FAM110B: variants seen among roughly 807,000 people sequenced by gnomAD.
FAM110B encodes the protein protein FAM110B.
FAM110B carries 6 observed loss-of-function variants against 20.4 expected under a neutral mutation model. The ratio of observed to expected loss-of-function variants is 0.29; its 90% CI spans 0.16 to 0.58. The LOEUF (loss-of-function observed/expected upper bound fraction) is 0.58, where lower values mean the gene tolerates loss of function less well. Ranked by LOEUF, FAM110B falls within the 20% of genes least tolerant of loss-of-function variation. FAM110B has a pLI of 0.90. For missense variants in FAM110B, 434 were observed against 498.2 expected, an observed-to-expected ratio of 0.87 and a Z score of 1.23; for synonymous variants, 226 against 214.1, an observed-to-expected ratio of 1.06 and a Z score of -0.49.
chr8:58,107,928 C>T (rs56073320), intron 3 of FAM110B, among the ~76,000 whole-genome samples: 32 of 152,332 alleles, frequency 2.1e-4, no homozygotes, highest in African/African-American at 7.7e-4. Context: ...CTGATTTAAA[C>T]ATAGCTCACA....
intron 3 of FAM110B, among the ~76,000 whole-genome samples, chr8:58,124,952 A>C (rs186493981): frequency 6.6e-6 from 1 of 152,202 alleles, no homozygotes; most frequent in Non-Finnish European, 1.5e-5. Flanking sequence ...TGATTTTTTT[A>C]AAATCTCTTA....
At chr8:58,142,472 G>C (rs1224408486) in intron 3 of FAM110B, among the ~76,000 whole-genome samples, 1 of 152,114 alleles carries the variant, frequency 6.6e-6, no homozygotes, top group Non-Finnish European at 1.5e-5. Flanking sequence ...TGGGTCCTTT[G>C]TCCCCCAGCT....
chr8:58,056,087 GATCATTT>G lies in FAM110B; in HGVS notation c.-413-19447_-413-19441del, dbSNP rs571044623. Among the ~76,000 whole-genome samples, 16 of 152,294 alleles carry G rather than the reference GATCATTT, an allele frequency of 1.1e-4. No individual in the cohort carries two copies. The East Asian group carries it at 3.1e-3, about 29-fold the overall frequency. ...TAAAGTTTTATTAGCACACAACCGT[GATCATTT>G]GTTTATGTGTTGACTATGTCTGGTT... On this transcript the variant is annotated intron_variant, in intron 2 of 3. Transcript: ENST00000519262.
chr8:58,110,779 T>C (rs1261629954), intron 3 of FAM110B, among the ~76,000 whole-genome samples: 1 of 152,190 alleles, frequency 6.6e-6, no homozygotes, highest in Non-Finnish European at 1.5e-5. Flanking sequence ...ATTACAGGCA[T>C]TTAATTTGTC....
chr8:58,020,692 C>T (rs1359225526), intron 1 of FAM110B, among the ~76,000 whole-genome samples: 1 of 152,232 alleles, frequency 6.6e-6, no homozygotes, highest in African/African-American at 2.4e-5. Flanking sequence ...TCTCAGCCTT[C>T]TAACATTTCC....
chr8:58,027,268 A>G (rs1804871372), intron 1 of FAM110B, among the ~76,000 whole-genome samples: 1 of 152,144 alleles, frequency 6.6e-6, no homozygotes, highest in South Asian at 2.1e-4. Flanking sequence ...AGTATTGTTG[A>G]TTATTGGTTT....
At chr8:58,100,734 C>T (rs981661348) in intron 3 of FAM110B, 7 of 152,198 alleles carry the variant, frequency 4.6e-5, no homozygotes, top group African/African-American at 1.4e-4. Flanking sequence ...AGAATGACCT[C>T]CTGTTAACTC....
At chr8:58,101,888 A>G (rs1266394107) in intron 3 of FAM110B, among the ~76,000 whole-genome samples, 1 of 152,158 alleles carries the variant, frequency 6.6e-6, no homozygotes, top group Non-Finnish European at 1.5e-5. Flanking sequence ...TTGGAGTCTC[A>G]GAGCTCATGC....
chr8:58,063,790 A>G (rs12155558), intron 2 of FAM110B, among the ~76,000 whole-genome samples: 16,691 of 152,262 alleles, frequency 0.11, 1,214 homozygotes, highest in Non-Finnish European at 0.15. Context: ...TTTATATGCT[A>G]TCATTTATTT....
chr8:58,094,009 GA>G (rs577639439), intron 3 of FAM110B, among the ~76,000 whole-genome samples: 433 of 152,058 alleles, frequency 2.8e-3, no homozygotes, highest in Non-Finnish European at 5.0e-3. Context: ...TCTTTATAGC[GA>G]TTGTGAATGG....
chr8:58,105,632 G>C (rs373219346), intron 3 of FAM110B, among the ~76,000 whole-genome samples: 2 of 139,242 alleles, frequency 1.4e-5, no homozygotes, highest in East Asian at 4.3e-4. Flanking sequence ...GCAGTGGTGC[G>C]ATCTCGGCTC....
chr8:58,008,126 ATTTTTTT>A (rs71248160), intron 1 of FAM110B, among the ~76,000 whole-genome samples: 1 of 116,012 alleles, frequency 8.6e-6, no homozygotes, highest in Non-Finnish European at 1.7e-5. Flanking sequence ...AAAAGCTTGC[ATTTTTTT>A]TTTTTTTTTT....
intron 3 of FAM110B, among the ~76,000 whole-genome samples, chr8:58,096,519 T>C (rs1585882818): frequency 6.6e-6 from 1 of 152,354 alleles, no homozygotes; most frequent in East Asian, 1.9e-4. Context: ...TGTCTTTTAA[T>C]TGGGGCATTT....
At chr8:58,074,693 G>A (rs537849355) in intron 2 of FAM110B, among the ~76,000 whole-genome samples, 17 of 152,230 alleles carry the variant, frequency 1.1e-4, no homozygotes, top group Non-Finnish European at 1.8e-4. Context: ...AATGATTCCC[G>A]GCATGGGGGT....
intron 1 of FAM110B, among the ~76,000 whole-genome samples, chr8:58,020,782 T>G (rs1026679456): frequency 4.8e-4 from 73 of 152,152 alleles, no homozygotes; most frequent in African/African-American, 1.7e-3. Context: ...AGTAATTTGT[T>G]TTTGCATTTG....
chr8:58,004,563 G>A (rs977925167), intron 1 of FAM110B, among the ~76,000 whole-genome samples: 2 of 152,184 alleles, frequency 1.3e-5, no homozygotes, highest in Non-Finnish European at 2.9e-5. Flanking sequence ...TGGCCAACAT[G>A]GCGAAACCCT....
chr8:58,005,706 C>G (rs1213627450), intron 1 of FAM110B, among the ~76,000 whole-genome samples: 2 of 152,216 alleles, frequency 1.3e-5, no homozygotes, highest in African/African-American at 4.8e-5. Flanking sequence ...CCGTTAGCAT[C>G]TCTTACTTTT....
Position 58,130,913 on chromosome 8 carries a change from G to A in FAM110B, c.-324-14994G>A, listed in dbSNP as rs372240420. On this transcript the variant is annotated intron_variant, in intron 3 of 3. Transcript: ENST00000519262. ...GTTTTGCCTCCATGACCATGAGGCC[G>A]TTGTTTACACATCAGCGTCTAAGAA... Among the ~76,000 whole-genome samples, 19 of 152,300 alleles carry A rather than the reference G, an allele frequency of 1.2e-4. No homozygotes were observed. The East Asian group carries it at 2.5e-3, about 20-fold the overall frequency.
chr8:58,096,268 C>A (rs547563034), intron 3 of FAM110B, among the ~76,000 whole-genome samples: 1 of 152,048 alleles, frequency 6.6e-6, no homozygotes, highest in African/African-American at 2.4e-5. Flanking sequence ...CTCCACCTTC[C>A]GGTTTCAAGC....
Sources: gnomAD v4.1 joint callset for allele counts (sites outside exome capture counted in the v4.1 genomes callset) on GRCh38, gnomAD v4.1.1 for gene constraint, MANE v1.5 for transcripts, NCBI Gene and HGNC (gene_info 2026-07-23, HGNC 2026-07-21) for gene names.